Variants in CDC42BPG observed in about 807,000 individuals in gnomAD.
CDC42BPG encodes the protein serine/threonine-protein kinase MRCK gamma.
Under a neutral mutation model 192.2 loss-of-function variants are expected in CDC42BPG, and 157 were observed. The ratio of observed to expected loss-of-function variants is 0.82; its 90% CI spans 0.72 to 0.93. CDC42BPG has a LOEUF of 0.93. CDC42BPG is among the 40% of genes least tolerant of loss of function. CDC42BPG has a pLI of 0.00. For missense variants in CDC42BPG, 1,992 were observed against 2,122.1 expected, an observed-to-expected ratio of 0.94 and a Z score of 1.20; for synonymous variants, 981 against 918.5, an observed-to-expected ratio of 1.07 and a Z score of -1.23.
chr11:64,841,366 T>TGG (rs1360704398), intron 3 of CDC42BPG, among the ~76,000 whole-genome samples: 1 of 150,398 alleles, frequency 6.6e-6, no homozygotes, highest in African/African-American at 2.5e-5. Context: ...GGCAGGAGAA[T>TGG]TACTTGAACT....
rs1555173115 is a variant in CDC42BPG at position 64,836,708 on chromosome 11, G to GGT, written c.1384+30_1384+31insAC. The GGT allele has an allele frequency of 8.6e-5, 60 of 695,724 alleles. 3 individuals carry two copies. In the African/African-American group the frequency reaches 9.8e-4, roughly 11 times the overall value. 43.1% of individuals were successfully genotyped at this position (695,724 alleles called of 1,614,324 possible). A position where few individuals can be genotyped will look rare whatever the true frequency, so the allele number is the denominator to read the frequency against. ...CGAGCCCAGGTGGGACTCAGCCCTG[G>GGT]GGGGGGGGGGGGGGTGGGCGGAAGG... On this transcript the variant is annotated intron_variant, in intron 11 of 36. Coordinates refer to ENST00000342711, the MANE Select transcript of CDC42BPG (RefSeq NM_017525.3).
intron 27 of CDC42BPG, 40 bp from the exon 28 acceptor site, chr11:64,831,761 G>A (rs1416549365): frequency 2.6e-6 from 4 of 1,525,812 alleles, no homozygotes; most frequent in Non-Finnish European, 3.5e-6. Flanking sequence ...GTGGACCAGA[G>A]CCATCTGTCC....
chr11:64,827,094 C>T lies in CDC42BPG; in HGVS notation c.4345G>A (p.Val1449Met). The T allele has an allele frequency of 6.2e-7, 1 of 1,613,948 alleles. No individual in the cohort carries two copies. Among genetic ancestry groups the T allele is most frequent in the Non-Finnish European group, 8.5e-7 (1 of 1,179,864 alleles). ...CCGGGCCGCCCGTTGGCAGGGCCCA[C>T]GTGTACTAGGTGGTTGAAGTTGGTA... ...PPTNFNHLVH[V>M]GPANGRPGAR... Residue 1449 changes from valine (V) to methionine (M), a missense_variant, in exon 34 of 37, where the codon GTG (valine) becomes ATG (methionine). Physicochemically the swap from Val to Met is conservative, Grantham distance 21. Transcript: ENST00000342711.
chr11:64,840,542 C>T lies in CDC42BPG; in HGVS notation c.432+11G>A, dbSNP rs140696545. 2.4e-5 allele frequency: 38 copies of T among 1,612,904 alleles called. No homozygotes were observed. The highest frequency in any genetic ancestry group is 1.7e-4 in the Admixed American group (10 of 59,998). On this transcript the variant is annotated intron_variant, in intron 4 of 36. Coordinates refer to ENST00000342711, the MANE Select transcript of CDC42BPG (RefSeq NM_017525.3). The stretch of plus-strand genomic sequence containing the variant: ...AGGATGTTCCCCTCCAGCCCCGCCA[C>T]GTATCCTCACCAGGTACTCCTCGTC...
rs1444122685 is a variant in CDC42BPG, at chr11:64,831,702, G to A, written c.3107C>T (p.Ala1036Val). 1.9e-6 allele frequency: 3 copies of A among 1,600,830 alleles called. No homozygotes were observed. Among genetic ancestry groups the A allele is most frequent in the Non-Finnish European group, 2.5e-6 (3 of 1,176,580 alleles). Residue 1036 changes from alanine to valine, a missense_variant, in exon 28 of 37, where the codon GCA becomes GTA. By Grantham distance (64) the Ala-to-Val change is moderately conservative. Around this residue, in one of 2 missense-constraint regions of CDC42BPG, gnomAD observed 1,656 missense variants for 1,844.3 expected, o/e 0.90. Coordinates refer to ENST00000342711, the MANE Select transcript of CDC42BPG (RefSeq NM_017525.3). ...CACAGTGCACGTGGTGGGCGGCACTGCCAGCTGGGAGGTTGTCACCTGTGG... is the reference window on the plus strand; with the variant it reads ...CACAGTGCACGTGGTGGGCGGCACTACCAGCTGGGAGGTTGTCACCTGTGG... ...RIFRVTTSQLAVPPTTCTVLL... is the reference protein window; with the variant it reads ...RIFRVTTSQLVVPPTTCTVLL...
At chr11:64,844,284 C>T in intron 1 of CDC42BPG, 126 bp downstream of exon 1, 1 of 925,650 alleles carries the variant, frequency 1.1e-6, no homozygotes. Context: ...CGCGTCAGGG[C>T]CACTGCAGGG....
At chr11:64,827,845 C>T in intron 30 of CDC42BPG, 62 bp from the exon 31 acceptor site, 3 of 1,387,580 alleles carry the variant, frequency 2.2e-6, no homozygotes, top group Non-Finnish European at 2.0e-6. Context: ...AACACCTTGT[C>T]CCCTGCCACA....
chr11:64,838,549 G>T, intron 8 of CDC42BPG, 105 bp downstream of exon 8: 1 of 1,449,000 alleles, frequency 6.9e-7, no homozygotes, highest in South Asian at 1.2e-5. Context: ...CCCGGTGTCT[G>T]AAGGCCTCAC....
chr11:64,833,372 A>T, intron 23 of CDC42BPG, 36 bp from the exon 24 acceptor site: 1 of 1,188,662 alleles, frequency 8.4e-7, no homozygotes, highest in Non-Finnish European at 1.2e-6. Context: ...AAGGCCTCCC[A>T]GGGCCCCATG....
In CDC42BPG at chr11:64,826,742, T is replaced by TGGGGCCGCTGTGGGCC. The variant is rs748128816; in HGVS notation, c.4426_4441dup (p.His1481ArgfsTer71). 34 of 1,544,358 alleles carry TGGGGCCGCTGTGGGCC rather than the reference T, an allele frequency of 2.2e-5. No individual in the cohort carries two copies. Among genetic ancestry groups the TGGGGCCGCTGTGGGCC allele is most frequent in the Non-Finnish European group, 3.0e-5 (34 of 1,146,358 alleles). On this transcript the variant is annotated frameshift_variant, in exon 35 of 37. Coordinates refer to ENST00000342711, the MANE Select transcript of CDC42BPG (RefSeq NM_017525.3). LOFTEE classifies it high-confidence loss of function. ...GCGCCGCAACGCCTCGGAGAAGCTG[T>TGGGGCCGCTGTGGGCC]GGGGCCGCTGTGGGCCGGAGCCGCG...
chr11:64,825,393 G>A (rs1007455091), intron 36 of CDC42BPG, among the ~76,000 whole-genome samples: 3 of 152,142 alleles, frequency 2.0e-5, no homozygotes, highest in African/African-American at 7.2e-5. Context: ...TGGAGGGAGC[G>A]GGGTGGCAAA....
At chr11:64,833,170 G>T in intron 24 of CDC42BPG, 61 bp downstream of exon 24, 2 of 1,358,130 alleles carry the variant, frequency 1.5e-6, no homozygotes, top group Non-Finnish European at 1.0e-6. Flanking sequence ...GAAACAGCCT[G>T]GGTATGCCAG....
At chr11:64,828,200 G>C (rs1486440827) in intron 30 of CDC42BPG, among the ~76,000 whole-genome samples, 1 of 152,114 alleles carries the variant, frequency 6.6e-6, no homozygotes, top group Middle Eastern at 3.2e-3. Context: ...CATTGCTCAC[G>C]AAGGACACTC....
At position 64,826,761 on chromosome 11, in the gene CDC42BPG, A is replaced by G; in HGVS notation, c.4423T>C (p.Ser1475Pro). The change falls in exon 35 of 37, where the codon TCC becomes CCC. Residue 1475 changes from serine to proline, a missense_variant. This residue lies in a region of CDC42BPG where 336 missense variants were observed against 277.9 expected (regional missense o/e 1.21). Coordinates refer to ENST00000342711, the MANE Select transcript of CDC42BPG (RefSeq NM_017525.3). ...AAGCTGTGGGGCCGCTGTGGGCCGG[A>G]GCCGCGGGCAACTCGGCCCTTCTCT... ...PEEKGRVARG[S>P]GPQRPHSFSE... The G allele has an allele frequency of 2.0e-6, 3 of 1,529,214 alleles. No homozygotes were observed. The highest frequency in any genetic ancestry group is 1.2e-5 in the South Asian group (1 of 81,228). 94.7% of individuals were successfully genotyped at this position (1,529,214 alleles called of 1,614,324 possible). A position where few individuals can be genotyped will look rare whatever the true frequency, so the allele number is the denominator to read the frequency against.
In CDC42BPG at chr11:64,839,472, C is replaced by T. The variant is rs375552879; in HGVS notation, c.675+6G>A. 3.7e-6 allele frequency: 6 copies of T among 1,612,740 alleles called. No homozygotes were observed. The highest frequency in any genetic ancestry group is 2.7e-5 in the African/African-American group (2 of 74,936). On this transcript the variant is annotated splice_donor_region_variant and intron_variant, in intron 6 of 36. Coordinates refer to ENST00000342711, the MANE Select transcript of CDC42BPG (RefSeq NM_017525.3). ...CCCTGCTCCCACTCTGGGGCGGGGT[C>T]CTTACCATGCCGTTGGTGTTGAGAC...
intron 34 of CDC42BPG, 25 bp from the exon 35 acceptor site, chr11:64,826,819 C>G (rs1254181851): frequency 6.8e-7 from 1 of 1,477,340 alleles, no homozygotes; most frequent in Non-Finnish European, 9.0e-7. Context: ...TGCGGAGGGG[C>G]TGGGACTAGC....
Position 64,826,781 on chromosome 11 carries a change from T to G in CDC42BPG, c.4403A>C (p.Lys1468Thr). Residue 1468 changes from lysine (K) to threonine (T), a missense_variant, in exon 35 of 37, where the codon AAG becomes ACG. Transcript: ENST00000342711. ...GCCGGAGCCGCGGGCAACTCGGCCC[T>G]TCTCTTCGGGAGCCTGTTGGGTGAC... ...ARDKSPAPEE[K>T]GRVARGSGPQ... 6.6e-7 allele frequency: 1 copy of G among 1,507,806 alleles called. No individual in the cohort carries two copies. The highest frequency in any genetic ancestry group is 8.8e-7 in the Non-Finnish European group (1 of 1,130,258). The allele number at this position is 1,507,806 out of a possible 1,614,324, so 93.4% of individuals were successfully genotyped here.
chr11:64,837,908 G>A (rs2136357493), intron 9 of CDC42BPG, among the ~76,000 whole-genome samples, 175 bp downstream of exon 9: 1 of 152,328 alleles, frequency 6.6e-6, no homozygotes, highest in African/African-American at 2.4e-5. Flanking sequence ...GGCCCAGCAG[G>A]ACCTGGGTGT....
Position 64,829,651 on chromosome 11 carries a change from C to G in CDC42BPG, c.3787G>C (p.Gly1263Arg). 6.2e-7 allele frequency: 1 copy of G among 1,611,402 alleles called. No individual in the cohort carries two copies. Among genetic ancestry groups the G allele is most frequent in the Non-Finnish European group, 8.5e-7 (1 of 1,179,306 alleles). The change falls in exon 30 of 37, where the codon GGT becomes CGT. Residue 1263 changes from glycine (G) to arginine (R), a missense_variant. Physicochemically the swap from Gly to Arg is moderately radical, Grantham distance 125 (BLOSUM62 -2). Transcript: ENST00000342711. ...NEAAPLALGA[G>R]LVPEELPPSR... ...GGTGGCAGCTCCTCAGGCACCAAAC[C>G]GGCCCCCAGCGCCAACGGCGCAGCC...
Sources: allele counts gnomAD v4.1 joint callset (sites outside exome capture counted in the v4.1 genomes callset), GRCh38; gene constraint gnomAD v4.1.1; regional missense constraint gnomAD v4.1.1; transcripts MANE v1.5; gene names NCBI Gene and HGNC (gene_info 2026-07-23, HGNC 2026-07-21).